The following MICALL1 variants were observed in gnomAD, a reference collection of about 807,000 sequenced individuals.
MICALL1 encodes MICAL like 1.
In MICALL1, 61 loss-of-function variants were observed where a neutral mutation model predicts 83.7. That is an observed-to-expected ratio of 0.73 (90% confidence interval 0.59 to 0.90). The LOEUF is 0.90. MICALL1 is among the 40% of genes least tolerant of loss of function. The pLI, the probability that MICALL1 is intolerant of heterozygous loss-of-function variation, is 0.00. For missense variants in MICALL1, 1,066 were observed against 1,152.0 expected (o/e 0.93, Z 1.08); for synonymous variants, 481 against 473.6 (o/e 1.02, Z -0.20).
intron 3 of MICALL1, among the ~76,000 whole-genome samples, chr22:37,916,790 G>T (rs551431114): frequency 6.6e-6 from 1 of 152,320 alleles, no homozygotes; most frequent in Non-Finnish European, 1.5e-5. Flanking sequence ...ATGAAGTCCA[G>T]CTTCTTCATG....
In MICALL1 at chr22:37,906,495, C is replaced by T. The variant is rs1927948114; in HGVS notation, c.73C>T (p.Arg25Cys). Reference protein sequence around the residue: ...QCEGYRGVEIRDLSSSFRDGL... With the variant: ...QCEGYRGVEICDLSSSFRDGL... The stretch of plus-strand genomic sequence containing the variant: ...CGAGGGCTACCGCGGCGTGGAGATC[C>T]GCGACCTGAGCAGCTCCTTCCGGGA... Residue 25 changes from arginine (R) to cysteine (C), a missense_variant, in exon 1 of 16, where the codon CGC becomes TGC. Transcript: ENST00000215957. This position sits in a 1 kb window ranked among gnomAD's most constrained non-coding sequence, Gnocchi z 4.4. 2.4e-6 allele frequency: 3 copies of T among 1,257,358 alleles called. No individual in the cohort carries two copies. The highest frequency in any genetic ancestry group is 3.4e-5 in the Admixed American group (1 of 29,298). 77.9% of individuals were successfully genotyped at this position (1,257,358 alleles called of 1,614,324 possible).
rs560019743 is a variant in MICALL1, at chr22:37,940,625, C to G, written c.2471-84C>G. 3.5e-5 allele frequency: 55 copies of G among 1,550,866 alleles called. No homozygotes were observed. The East Asian group carries it at 1.2e-3, about 35-fold the overall frequency. ...CTGGGCTGAGCCCTGCTGCCCATGC[C>G]CAGGCCTGTGTCACTGGGTCTAGCC... On this transcript the variant is annotated intron_variant, in intron 15 of 15. Coordinates refer to ENST00000215957, the MANE Select transcript of MICALL1 (RefSeq NM_033386.4).
At chr22:37,925,366 G>A (rs961749799) in intron 7 of MICALL1, among the ~76,000 whole-genome samples, 2 of 152,168 alleles carry the variant, frequency 1.3e-5, no homozygotes, top group Non-Finnish European at 2.9e-5. Context: ...AATACAGAGG[G>A]AGGGCAGGTG....
At chr22:37,937,047 CA>C in intron 13 of MICALL1, 32 bp from the exon 14 acceptor site, 1 of 1,528,902 alleles carries the variant, frequency 6.5e-7, no homozygotes, top group South Asian at 1.2e-5. Context: ...GCTTTCCTAC[CA>C]CTCATGCCCC....
intron 9 of MICALL1, among the ~76,000 whole-genome samples, chr22:37,928,501 C>G (rs927080614): frequency 1.3e-5 from 2 of 152,346 alleles, no homozygotes; most frequent in African/African-American, 4.8e-5. Flanking sequence ...CCACTGCCCC[C>G]GGCTGTCTAG....
At chr22:37,931,734 A>G in intron 9 of MICALL1, 65 bp from the exon 10 acceptor site, 1 of 1,586,956 alleles carries the variant, frequency 6.3e-7, no homozygotes, top group African/African-American at 1.3e-5. Context: ...CCCAAATATG[A>G]GGCTGCTGGG....
intron 3 of MICALL1, among the ~76,000 whole-genome samples, chr22:37,916,134 C>G (rs957242376): frequency 6.6e-6 from 1 of 152,150 alleles, no homozygotes; most frequent in Non-Finnish European, 1.5e-5. Flanking sequence ...GCAGCTCATT[C>G]GTTGGCCCTC....
Position 37,937,189 on chromosome 22 carries a change from G to C in MICALL1, c.2418G>C (p.Arg806=). 1 of 1,550,536 alleles carries C rather than the reference G, an allele frequency of 6.4e-7. No individual in the cohort carries two copies. Among genetic ancestry groups the C allele is most frequent in the Non-Finnish European group, 8.7e-7 (1 of 1,146,548 alleles). ...TCATCAACTGCCTGGATGAGGACCG[G>C]CAGAGGTGACATGGCCAGGGGTGGG... The part of the protein sequence containing the change: ...NAIINCLDED[R]QREEEEDKML... Residue 806 remains arginine (R), a synonymous_variant, in exon 14 of 16, where the codon CGG becomes CGC. Coordinates refer to ENST00000215957, the MANE Select transcript of MICALL1 (RefSeq NM_033386.4).
intron 5 of MICALL1, among the ~76,000 whole-genome samples, chr22:37,921,220 A>C (rs562357763): frequency 6.6e-6 from 1 of 152,326 alleles, no homozygotes; most frequent in South Asian, 2.1e-4. Flanking sequence ...ACAAAGCACT[A>C]TTTGGCCTTT....
At chr22:37,920,049 T>G (rs1928928214) in intron 5 of MICALL1, among the ~76,000 whole-genome samples, 1 of 152,058 alleles carries the variant, frequency 6.6e-6, no homozygotes, top group Admixed American at 6.6e-5. Context: ...GGTCTCAACC[T>G]CCTTGGCTCA....
chr22:37,932,491 A>G lies in MICALL1; in HGVS notation c.2017-62A>G. 6.3e-7 allele frequency: 1 copy of G among 1,596,960 alleles called. No individual in the cohort carries two copies. The highest frequency in any genetic ancestry group is 1.3e-5 in the African/African-American group (1 of 74,780). On this transcript the variant is annotated intron_variant, in intron 10 of 15. Coordinates refer to ENST00000215957, the MANE Select transcript of MICALL1 (RefSeq NM_033386.4). The surrounding 1 kb of genome is among the most constrained non-coding windows in gnomAD (Gnocchi z 4.4). ...ACCAGTGGCCAATGCTGGCCAGAGAAGAGGGCAAGGCTCCTGGCAGCAACC... is the reference window on the plus strand; with the variant it reads ...ACCAGTGGCCAATGCTGGCCAGAGAGGAGGGCAAGGCTCCTGGCAGCAACC...
intron 8 of MICALL1, 137 bp downstream of exon 8, chr22:37,926,180 G>T: frequency 8.8e-7 from 1 of 1,141,584 alleles, no homozygotes; most frequent in Non-Finnish European, 1.2e-6. Flanking sequence ...TTTAATCCTA[G>T]AGCAAACCTG....
chr22:37,923,894 G>A (rs1489161077), intron 6 of MICALL1, among the ~76,000 whole-genome samples: 1 of 152,134 alleles, frequency 6.6e-6, no homozygotes, highest in East Asian at 1.9e-4. Context: ...GGTCAGGTGG[G>A]CCCCGGAGCC....
At chr22:37,927,299 G>T (rs1929505753) in intron 8 of MICALL1, 112 bp from the exon 9 acceptor site, 1 of 1,259,442 alleles carries the variant, frequency 7.9e-7, no homozygotes, top group East Asian at 2.6e-5. Context: ...CGATGTGGAG[G>T]GCTTGGGTTT....
chr22:37,925,496 C>T (rs1290682892), intron 7 of MICALL1, among the ~76,000 whole-genome samples, 165 bp from the exon 8 acceptor site: 3 of 152,110 alleles, frequency 2.0e-5, no homozygotes, highest in Non-Finnish European at 4.4e-5. Flanking sequence ...AAGGCTGTGA[C>T]TGTAACATTC....
In MICALL1 at chr22:37,932,992, C is replaced by T. The variant is rs572081194; in HGVS notation, c.2235-47C>T. 6.8e-6 allele frequency: 11 copies of T among 1,613,142 alleles called. No individual in the cohort carries two copies. Among genetic ancestry groups the T allele is most frequent in the East Asian group, 2.2e-5 (1 of 44,856 alleles). On this transcript the variant is annotated intron_variant, in intron 12 of 15. Transcript: ENST00000215957. This position sits in a 1 kb window ranked among gnomAD's most constrained non-coding sequence, Gnocchi z 4.4. ...CAGTAACAGCGCAGGGCAGGGCAGC[C>T]GGGGCTCGGGCAGAATTGTTAAGAG...
intron 4 of MICALL1, 28 bp from the exon 5 acceptor site, chr22:37,919,008 C>G: frequency 6.6e-7 from 1 of 1,526,566 alleles, no homozygotes; most frequent in Non-Finnish European, 8.9e-7. Context: ...TGTCCTGCTC[C>G]CAACCTCCCC....
chr22:37,918,629 G>C (rs1009426969), intron 4 of MICALL1, among the ~76,000 whole-genome samples: 2 of 152,256 alleles, frequency 1.3e-5, no homozygotes, highest in African/African-American at 4.8e-5. Context: ...AAAGGCAGCT[G>C]AGGTCGGCCT....
intron 9 of MICALL1, 49 bp downstream of exon 9, chr22:37,927,875 G>A: frequency 2.0e-6 from 3 of 1,535,038 alleles, no homozygotes; most frequent in Non-Finnish European, 2.6e-6. Flanking sequence ...TCTAGTGGAT[G>A]CGGGTCTGGT....
Sources: allele counts gnomAD v4.1 joint callset (sites outside exome capture counted in the v4.1 genomes callset), GRCh38; gene constraint gnomAD v4.1.1; non-coding constraint Gnocchi (gnomAD v3.1); transcripts MANE v1.5; gene names NCBI Gene and HGNC (gene_info 2026-07-23, HGNC 2026-07-21).